The following GBP5 variants were observed in gnomAD, a reference collection of about 807,000 sequenced individuals.
The protein encoded by GBP5 is guanylate-binding protein 5.
A neutral mutation model predicts 58.2 loss-of-function variants in GBP5; 48 were observed. The observed-to-expected ratio is 0.83, with a 90% CI of 0.65 to 1.05. The LOEUF is 1.05. Ranked by LOEUF, GBP5 falls within the 50% of genes least tolerant of loss-of-function variation. The probability of loss-of-function intolerance (pLI) is 0.00; values close to 1 mark genes in which losing one functional copy is unlikely to be tolerated. For missense variants in GBP5, 714 were observed against 686.8 expected, an observed-to-expected ratio of 1.04 and a Z score of -0.44; for synonymous variants, 248 against 251.8, an observed-to-expected ratio of 0.98 and a Z score of 0.14.
At position 89,266,341 on chromosome 1, in the gene GBP5, C is replaced by G; in HGVS notation, c.868+5G>C. 6.2e-7 allele frequency: 1 copy of G among 1,607,898 alleles called. No homozygotes were observed. Among genetic ancestry groups the G allele is most frequent in the Non-Finnish European group, 8.5e-7 (1 of 1,175,982 alleles). On this transcript the variant is annotated splice_donor_5th_base_variant and intron_variant, in intron 7 of 11. Transcript: ENST00000370459. ...TTGAAGGAAAATCCTAAAAATAATACTCACGAGATCCATTGACCATGATGC... is the reference window on the plus strand; with the variant it reads ...TTGAAGGAAAATCCTAAAAATAATAGTCACGAGATCCATTGACCATGATGC...
chr1:89,262,101 A>C, intron 11 of GBP5, 119 bp downstream of exon 11: 4 of 937,924 alleles, frequency 4.3e-6, no homozygotes, highest in Non-Finnish European at 6.7e-6. Context: ...TCATACCCAG[A>C]CTTTCTGGCT....
Position 89,266,550 on chromosome 1 carries a change from G to A in GBP5, c.664C>T (p.Leu222=), listed in dbSNP as rs894724260. 1.2e-6 allele frequency: 2 copies of A among 1,613,048 alleles called. No homozygotes were observed. Among genetic ancestry groups the A allele is most frequent in the African/African-American group, 1.3e-5 (1 of 74,870 alleles). Residue 222 remains leucine (L), a synonymous_variant, in exon 7 of 12, where the codon CTG becomes TTG. Coordinates refer to ENST00000370459, the MANE Select transcript of GBP5 (RefSeq NM_052942.5). ...TTTGGAAAGAACTTCTGTATACACA[G>A]ACGGGGCAAATTGAAATTTTGAACT... ...QRVQNFNLPR[L]CIQKFFPKKK...
At position 89,268,898 on chromosome 1, in the gene GBP5, G is replaced by A. The variant is rs1015058814; in HGVS notation, c.191-42C>T. 6 of 1,596,422 alleles carry A rather than the reference G, an allele frequency of 3.8e-6. No individual in the cohort carries two copies. In the Admixed American group the frequency reaches 7.0e-5, roughly 19 times the overall value. On this transcript the variant is annotated intron_variant, in intron 3 of 11. Transcript: ENST00000370459. Reference sequence around the variant, plus strand: ...GAGGTTGTAATAGAAGAGAAACTCTGGAAATTGGGGATTTGCTTGATCATT... The same window carrying A: ...GAGGTTGTAATAGAAGAGAAACTCTAGAAATTGGGGATTTGCTTGATCATT...
intron 4 of GBP5, among the ~76,000 whole-genome samples, chr1:89,267,845 C>T (rs1201073138): frequency 6.6e-6 from 1 of 152,120 alleles, no homozygotes; most frequent in African/African-American, 2.4e-5. Flanking sequence ...ATTGAATAAC[C>T]AGTATCAATA....
At chr1:89,261,272 G>A (rs1649997345) in intron 11 of GBP5, among the ~76,000 whole-genome samples, 1 of 152,222 alleles carries the variant, frequency 6.6e-6, no homozygotes, top group Non-Finnish European at 1.5e-5. Context: ...GGAGAAAAGA[G>A]TGAATACATA....
Position 89,266,951 on chromosome 1 carries a change from T to G in GBP5, c.625+6A>C. The G allele has an allele frequency of 6.3e-7, 1 of 1,584,288 alleles. No individual in the cohort carries two copies. Among genetic ancestry groups the G allele is most frequent in the Non-Finnish European group, 8.5e-7 (1 of 1,170,898 alleles). On this transcript the variant is annotated splice_donor_region_variant and intron_variant, in intron 6 of 11. Transcript: ENST00000370459. ...AAAATCTTTCTAAAACTGAAGTCCCTGTTACCTTGCTTTGGCCTTAGGGAA... is the reference window on the plus strand; with the variant it reads ...AAAATCTTTCTAAAACTGAAGTCCCGGTTACCTTGCTTTGGCCTTAGGGAA...
In GBP5 at chr1:89,260,749, G is replaced by C; in HGVS notation, c.1716C>G (p.His572Gln). The change falls in exon 12 of 12, where the codon CAC becomes CAG. Residue 572 changes from histidine to glutamine, a missense_variant. His to Gln is a conservative substitution (Grantham distance 24). Transcript: ENST00000370459. ...CATCGTTATTAACAGTCCTCTGGGC[G>C]TGCTGGAGCTCACTGAGAAGGCTTC... ...QNRSLLSELQ[H>Q]AQRTVNNDDP... is the part of the protein sequence containing the mutation. 6.2e-7 allele frequency: 1 copy of C among 1,613,986 alleles called. No individual in the cohort carries two copies.
rs1649946725 is a variant in GBP5 at position 89,260,097 on chromosome 1, G to C, written c.*607C>G. 6.5e-6 allele frequency: 1 copy of C among 152,740 alleles called. No individual in the cohort carries two copies. The highest frequency in any genetic ancestry group is 2.4e-5 in the African/African-American group (1 of 41,452). The allele number at this position is 152,740 out of a possible 1,614,324, so 9.5% of individuals were successfully genotyped here. A position where few individuals can be genotyped will look rare whatever the true frequency, so the allele number is the denominator to read the frequency against. ...AATTTTTCCACAGAGGGTTGGCGGG[G>C]GTTGGAGGTGGGGTGGCGTTATTGG... On this transcript the variant is annotated 3_prime_UTR_variant, in exon 12 of 12. Coordinates refer to ENST00000370459, the MANE Select transcript of GBP5 (RefSeq NM_052942.5).
At position 89,265,249 on chromosome 1, in the gene GBP5, G is replaced by T. The variant is rs533925943; in HGVS notation, c.869-283C>A. Among the ~76,000 whole-genome samples, 7 of 152,276 alleles carry T rather than the reference G, an allele frequency of 4.6e-5. No individual in the cohort carries two copies. In the South Asian group the frequency reaches 1.4e-3, roughly 32 times the overall value. ...TCATCCTTCTCTGATGGAGAAATGA[G>T]AAGATGATCATATAAAAGTCAAACA... is the stretch of plus-strand genomic sequence containing the variant. On this transcript the variant is annotated intron_variant, in intron 7 of 11. Coordinates refer to ENST00000370459, the MANE Select transcript of GBP5 (RefSeq NM_052942.5).
intron 6 of GBP5, 116 bp from the exon 7 acceptor site, chr1:89,266,704 C>G: frequency 9.4e-7 from 1 of 1,063,334 alleles, no homozygotes. Flanking sequence ...TCTTCATAAA[C>G]CCTAAGTAAA....
At chr1:89,264,614 C>T in intron 8 of GBP5, 72 bp downstream of exon 8, 1 of 1,350,022 alleles carries the variant, frequency 7.4e-7, no homozygotes, top group Non-Finnish European at 1.0e-6. Flanking sequence ...TAGCTAAGTC[C>T]TATTTTATCA....
At chr1:89,263,713 A>G in intron 9 of GBP5, 23 bp downstream of exon 9, 2 of 1,559,752 alleles carry the variant, frequency 1.3e-6, no homozygotes, top group Non-Finnish European at 1.8e-6. Flanking sequence ...GCAATTCTCC[A>G]CAATAGGTAG....
At chr1:89,265,012 A>G in intron 7 of GBP5, 46 bp from the exon 8 acceptor site, 1 of 1,535,876 alleles carries the variant, frequency 6.5e-7, no homozygotes, top group Non-Finnish European at 8.9e-7. Context: ...AAGGAAGAAG[A>G]CATGATTGAT....
chr1:89,264,884 C>T lies in GBP5; in HGVS notation c.951G>A (p.Leu317=). ...LPCIENAVLA[L]AQRENSAAVQ... Reference sequence around the variant, plus strand: ...CTGCAGCTGAGTTCTCTCTCTGAGCCAAGGCCAGGACTGCATTCTCTATGC... The same window carrying T: ...CTGCAGCTGAGTTCTCTCTCTGAGCTAAGGCCAGGACTGCATTCTCTATGC... The change falls in exon 8 of 12, where the codon TTG becomes TTA. Residue 317 remains leucine (L), a synonymous_variant. Transcript: ENST00000370459. 1 of 1,614,206 alleles carries T rather than the reference C, an allele frequency of 6.2e-7. No individual in the cohort carries two copies. The highest frequency in any genetic ancestry group is 1.6e-4 in the Middle Eastern group (1 of 6,062).
At chr1:89,262,040 T>C (rs1650021923) in intron 11 of GBP5, 180 bp downstream of exon 11, 5 of 601,732 alleles carry the variant, frequency 8.3e-6, no homozygotes, top group East Asian at 5.5e-5. Context: ...GGCACAGAGG[T>C]GATAGATAAC....
In GBP5 at chr1:89,262,754, G is replaced by A. The variant is rs145775181; in HGVS notation, c.1394C>T (p.Ser465Phe). ...TATTGCATGACTCACAGACTCCTTGGACTTTAAATATTTCTGCAGAACTTC... is the reference window on the plus strand; with the variant it reads ...TATTGCATGACTCACAGACTCCTTGAACTTTAAATATTTCTGCAGAACTTC... ...AEEVLQKYLK[S>F]KESVSHAILQ... Residue 465 changes from serine (S) to phenylalanine (F), a missense_variant, in exon 10 of 12, where the codon TCC (serine) becomes TTC (phenylalanine). Coordinates refer to ENST00000370459, the MANE Select transcript of GBP5 (RefSeq NM_052942.5). The A allele has an allele frequency of 2.3e-3, 3,637 of 1,576,844 alleles. 8 individuals carry two copies. Among genetic ancestry groups the A allele is most frequent in the Non-Finnish European group, 2.5e-3 (2,952 of 1,168,776 alleles).
intron 11 of GBP5, chr1:89,261,992 T>C: frequency 1.8e-6 from 1 of 550,406 alleles, no homozygotes; most frequent in Non-Finnish European, 3.2e-6. Context: ...ATAACATAGA[T>C]ATCATCACTG....
In GBP5 at chr1:89,257,972, T is replaced by C. The variant is rs1649848545; in HGVS notation, c.*2732A>G. On this transcript the variant is annotated 3_prime_UTR_variant, in exon 12 of 12. Coordinates refer to ENST00000370459, the MANE Select transcript of GBP5 (RefSeq NM_052942.5). ...TTACATTTAAAACTAGATCAGTTGA[T>C]TTCACAACAGTAAGACAAAGAAAGT... Among the ~76,000 whole-genome samples, 1 of 152,242 alleles carries C rather than the reference T, an allele frequency of 6.6e-6. No individual in the cohort carries two copies. The highest frequency in any genetic ancestry group is 2.1e-4 in the South Asian group (1 of 4,834).
chr1:89,270,655 T>C (rs1650408129), intron 2 of GBP5, 100 bp downstream of exon 2: 1 of 152,326 alleles, frequency 6.6e-6, no homozygotes, highest in African/African-American at 2.4e-5. Context: ...AAATGCCTAG[T>C]GCAAGCCTGA....
Sources: gnomAD v4.1 joint callset for allele counts (sites outside exome capture counted in the v4.1 genomes callset) on GRCh38, gnomAD v4.1.1 for gene constraint, MANE v1.5 for transcripts, NCBI Gene and HGNC (gene_info 2026-07-23, HGNC 2026-07-21) for gene names.